SLC36A4: variants seen among roughly 807,000 people sequenced by gnomAD.
The protein encoded by SLC36A4 is neutral amino acid uniporter 4.
In SLC36A4, 49 loss-of-function variants were observed where a neutral mutation model predicts 50.5. The observed-to-expected ratio is 0.97, with a 90% CI of 0.77 to 1.23. The LOEUF (loss-of-function observed/expected upper bound fraction) is 1.23. SLC36A4 is among the 50% of genes most tolerant of loss of function. The pLI is 0.00. For synonymous variants in SLC36A4, 207 were observed against 206.5 expected (o/e 1.00, Z -0.02); for missense variants, 611 against 608.4 (o/e 1.00, Z -0.05).
In SLC36A4 at chr11:93,148,455, G is replaced by A; in HGVS notation, c.*82C>T. ...AAACAGAGTTTGTTACCATTTTTAT[G>A]TATATAGCAATGTATTTTACTAGTT... On this transcript the variant is annotated 3_prime_UTR_variant, in exon 11 of 11. Coordinates refer to ENST00000326402, the MANE Select transcript of SLC36A4 (RefSeq NM_152313.4). The A allele has an allele frequency of 8.6e-7, 1 of 1,165,066 alleles. No homozygotes were observed. The highest frequency in any genetic ancestry group is 1.2e-6 in the Non-Finnish European group (1 of 801,200). The allele number at this position is 1,165,066 out of a possible 1,614,324, so 72.2% of individuals were successfully genotyped here.
At chr11:93,193,517 G>T (rs1862299182) in intron 1 of SLC36A4, among the ~76,000 whole-genome samples, 1 of 152,074 alleles carries the variant, frequency 6.6e-6, no homozygotes, top group Admixed American at 6.5e-5. Context: ...ATCTATTTAT[G>T]AGTGGAGAAA....
intron 6 of SLC36A4, among the ~76,000 whole-genome samples, chr11:93,177,182 C>A (rs949412965): frequency 2.0e-5 from 3 of 151,672 alleles, no homozygotes; most frequent in African/African-American, 7.3e-5. Context: ...AAACTTTTCA[C>A]TTCATTTCAT....
chr11:93,162,412 G>A (rs1424215465), intron 9 of SLC36A4, among the ~76,000 whole-genome samples: 3 of 151,938 alleles, frequency 2.0e-5, no homozygotes, highest in Non-Finnish European at 4.4e-5. Context: ...GGGTTCAAGC[G>A]ATTCTCCTGC....
At chr11:93,171,769 A>T (rs916938378) in intron 6 of SLC36A4, 4 of 152,106 alleles carry the variant, frequency 2.6e-5, no homozygotes, top group African/African-American at 9.7e-5. Context: ...CTTGTTAATA[A>T]AAAGCCTCTT....
At chr11:93,183,095 T>C (rs530904102) in intron 3 of SLC36A4, among the ~76,000 whole-genome samples, 6 of 152,266 alleles carry the variant, frequency 3.9e-5, no homozygotes, top group Non-Finnish European at 8.8e-5. Flanking sequence ...TATAATTCCA[T>C]CTTATTAACA....
intron 7 of SLC36A4, 53 bp from the exon 8 acceptor site, chr11:93,166,069 T>C: frequency 7.1e-7 from 1 of 1,401,812 alleles, no homozygotes; most frequent in East Asian, 2.4e-5. Flanking sequence ...TTATTCTAAA[T>C]AATTAAAAAA....
Position 93,165,953 on chromosome 11 carries a change from CA to C in SLC36A4, c.831del (p.Phe277LeufsTer11). 8.7e-6 allele frequency: 14 copies of C among 1,610,284 alleles called. No individual in the cohort carries two copies. Among genetic ancestry groups the C allele is most frequent in the South Asian group, 1.1e-5 (1 of 90,448 alleles). The stretch of plus-strand genomic sequence containing the variant: ...CCTTCAAAAGCAAATACAGCAGTAC[CA>C]AAAAAGAGTGGGTATTTCTTCCAAC... ...VAGWKKYPLF[F>X]GTAVFAFEGI... is the part of the protein sequence containing the mutation. On this transcript the variant is annotated frameshift_variant, in exon 8 of 11. Transcript: ENST00000326402. LOFTEE classifies it high-confidence loss of function.
intron 6 of SLC36A4, among the ~76,000 whole-genome samples, chr11:93,179,783 C>T (rs1861654531): frequency 6.6e-6 from 1 of 152,130 alleles, no homozygotes; most frequent in African/African-American, 2.4e-5. Flanking sequence ...CCTATTTTTG[C>T]AAATAAAATT....
At position 93,145,660 on chromosome 11, in the gene SLC36A4, A is replaced by AT. The variant is rs1859832687; in HGVS notation, c.*2876dup. ...AGCAGAAAAGTCTCTCAGGCAACTG[A>AT]TTAACTTTCAGGGAATAGTTCTTCA... On this transcript the variant is annotated 3_prime_UTR_variant, in exon 11 of 11. Transcript: ENST00000326402. 1 of 152,090 alleles carries AT rather than the reference A, an allele frequency of 6.6e-6. No homozygotes were observed. Among genetic ancestry groups the AT allele is most frequent in the South Asian group, 2.1e-4 (1 of 4,832 alleles). The allele number at this position is 152,090 out of a possible 1,614,324, so 9.4% of individuals were successfully genotyped here.
chr11:93,187,358 T>C (rs1330540933), intron 1 of SLC36A4, among the ~76,000 whole-genome samples: 3 of 152,192 alleles, frequency 2.0e-5, no homozygotes, highest in East Asian at 1.9e-4. Context: ...GATATGTTGA[T>C]TTAGGTTTTT....
chr11:93,188,659 G>T (rs1862088818), intron 1 of SLC36A4, among the ~76,000 whole-genome samples: 2 of 152,064 alleles, frequency 1.3e-5, no homozygotes, highest in Non-Finnish European at 2.9e-5. Context: ...GGTCTACTGG[G>T]ATATCTACTA....
chr11:93,184,359 C>T, intron 3 of SLC36A4, 71 bp downstream of exon 3: 1 of 908,090 alleles, frequency 1.1e-6, no homozygotes, highest in Non-Finnish European at 1.8e-6. Context: ...TTTGACTAGG[C>T]CAGATATTAG....
intron 1 of SLC36A4, among the ~76,000 whole-genome samples, chr11:93,194,202 C>T (rs1862328855): frequency 6.6e-6 from 1 of 151,736 alleles, no homozygotes; most frequent in South Asian, 2.1e-4. Context: ...TTTTCCTTCT[C>T]TGGAAAATGT....
At chr11:93,168,530 A>G (rs1860988453) in intron 6 of SLC36A4, among the ~76,000 whole-genome samples, 1 of 151,990 alleles carries the variant, frequency 6.6e-6, no homozygotes, top group Admixed American at 6.6e-5. Context: ...GAGATCATCA[A>G]ATTTGGAACC....
chr11:93,196,300 A>G (rs777739459), intron 1 of SLC36A4, among the ~76,000 whole-genome samples: 6 of 152,206 alleles, frequency 3.9e-5, no homozygotes, highest in Non-Finnish European at 8.8e-5. Context: ...ACCTCTTGAT[A>G]TAAGTATGGG....
rs547259771 is a variant in SLC36A4, at chr11:93,163,599, T to A, written c.868-724A>T. On this transcript the variant is annotated intron_variant, in intron 8 of 10. Coordinates refer to ENST00000326402, the MANE Select transcript of SLC36A4 (RefSeq NM_152313.4). ...CATGGTTTATCACTGGTGAAGTTAATTTTCATCATTTGGTTAAGGTAGTGT... is the reference window on the plus strand; with the variant it reads ...CATGGTTTATCACTGGTGAAGTTAAATTTCATCATTTGGTTAAGGTAGTGT... Among the ~76,000 whole-genome samples, 13 of 152,282 alleles carry A rather than the reference T, an allele frequency of 8.5e-5. No individual in the cohort carries two copies. The South Asian group carries it at 2.7e-3, about 32-fold the overall frequency.
chr11:93,165,265 T>G (rs898362955), intron 8 of SLC36A4, among the ~76,000 whole-genome samples: 60 of 152,150 alleles, frequency 3.9e-4, no homozygotes, highest in African/African-American at 1.4e-3. Context: ...GACAGCAAGA[T>G]TCTATTTTCC....
At chr11:93,191,487 T>C (rs765904579) in intron 1 of SLC36A4, among the ~76,000 whole-genome samples, 1 of 152,162 alleles carries the variant, frequency 6.6e-6, no homozygotes, top group African/African-American at 2.4e-5. Flanking sequence ...CTATGGAAGG[T>C]TTCTGGCTCA....
At chr11:93,184,401 T>TA in intron 3 of SLC36A4, 29 bp downstream of exon 3, 1 of 1,374,238 alleles carries the variant, frequency 7.3e-7, no homozygotes. Context: ...AACTGCATCT[T>TA]AACTGGTGAT....
Sources: allele counts gnomAD v4.1 joint callset (sites outside exome capture counted in the v4.1 genomes callset), GRCh38; gene constraint gnomAD v4.1.1; transcripts MANE v1.5; gene names NCBI Gene and HGNC (gene_info 2026-07-23, HGNC 2026-07-21).